ZNF451: variants seen among roughly 807,000 people sequenced by gnomAD.
ZNF451 encodes E3 SUMO-protein ligase ZNF451.
A neutral mutation model predicts 107.1 loss-of-function variants in ZNF451; 80 were observed. The ratio of observed to expected loss-of-function variants is 0.75; its 90% CI spans 0.62 to 0.90. ZNF451 has a LOEUF of 0.90. ZNF451 is among the 40% of genes least tolerant of loss of function. ZNF451 has a pLI of 0.00. For synonymous variants in ZNF451, 362 were observed against 406.5 expected (o/e 0.89, Z 1.32); for missense variants, 1,107 against 1,236.2 (o/e 0.90, Z 1.57).
intron 3 of ZNF451, among the ~76,000 whole-genome samples, chr6:57,110,070 T>C (rs1037510275): frequency 6.6e-6 from 1 of 152,200 alleles, no homozygotes; most frequent in African/African-American, 2.4e-5. Flanking sequence ...AAAGCTTTTC[T>C]TACCAAGTGT....
rs756391609 is a variant in ZNF451 at position 57,147,211 on chromosome 6, A to G, written c.1126A>G (p.Ser376Gly). ...DCNQVFVDET[S>G]TQNHKQNSGH... is the part of the protein sequence containing the mutation. ...CAATCAAGTCTTTGTGGATGAAACC[A>G]GCACCCAAAATCATAAGCAGAATTC... is the stretch of plus-strand genomic sequence containing the variant. The change falls in exon 10 of 15, where the codon AGC (serine) becomes GGC (glycine). Residue 376 changes from serine to glycine, a missense_variant. Physicochemically the swap from Ser to Gly is moderately conservative, Grantham distance 56. This residue lies in a region of ZNF451 where 608 missense variants were observed against 649.2 expected (regional missense o/e 0.94). Coordinates refer to ENST00000370706, the MANE Select transcript of ZNF451 (RefSeq NM_001031623.3). 8 of 1,613,996 alleles carry G rather than the reference A, an allele frequency of 5.0e-6. No individual in the cohort carries two copies.
intron 3 of ZNF451, chr6:57,115,290 A>C (rs1830313641): frequency 6.6e-6 from 1 of 152,176 alleles, no homozygotes; most frequent in African/African-American, 2.4e-5. Flanking sequence ...TAATTGATTG[A>C]TCTATTAGTA....
intron 3 of ZNF451, chr6:57,100,747 T>C: frequency 1.3e-6 from 2 of 1,550,538 alleles, no homozygotes; most frequent in Non-Finnish European, 1.7e-6. Context: ...TTCTCAAACT[T>C]CCTCTGTTGA....
intron 3 of ZNF451, chr6:57,100,685 G>A: frequency 6.5e-7 from 1 of 1,550,326 alleles, no homozygotes; most frequent in Non-Finnish European, 8.7e-7. Context: ...CTTCCCATTG[G>A]AGATAGCAGC....
chr6:57,101,280 T>C lies in ZNF451; in HGVS notation c.186+2139T>C, dbSNP rs1002482051. On this transcript the variant is annotated intron_variant, in intron 3 of 14. Transcript: ENST00000370706. The stretch of plus-strand genomic sequence containing the variant: ...CGGAGTCATGTGAAGGGAAACCTGA[T>C]TGTGTGACTTCTAAAAAACGTTTGG... 3.9e-6 allele frequency: 6 copies of C among 1,550,862 alleles called. No homozygotes were observed. The South Asian group carries it at 7.1e-5, about 18-fold the overall frequency.
Position 57,170,203 on chromosome 6 carries a change from TACTTTG to T in ZNF451, c.*1740_*1745del, listed in dbSNP as rs1481518671. 6.6e-6 allele frequency: 1 copy of T among 152,276 alleles called. No homozygotes were observed. Among genetic ancestry groups the T allele is most frequent in the Non-Finnish European group, 1.5e-5 (1 of 68,050 alleles). 9.4% of individuals were successfully genotyped at this position (152,276 alleles called of 1,614,324 possible). A position where few individuals can be genotyped will look rare whatever the true frequency, so the allele number is the denominator to read the frequency against. On this transcript the variant is annotated 3_prime_UTR_variant, in exon 15 of 15. Coordinates refer to ENST00000370706, the MANE Select transcript of ZNF451 (RefSeq NM_001031623.3). ...TAATTAAAAATCATCTTAAAATTCA[TACTTTG>T]ACTTTAATTTAGACACAAGGAGATG...
intron 3 of ZNF451, chr6:57,107,801 C>T: frequency 2.0e-6 from 2 of 981,900 alleles, no homozygotes; most frequent in Non-Finnish European, 2.4e-6. Context: ...GAGTATATTC[C>T]TTTGGTAACG....
chr6:57,095,788 T>G (rs900239333), intron 2 of ZNF451, among the ~76,000 whole-genome samples: 3 of 151,924 alleles, frequency 2.0e-5, no homozygotes, highest in Non-Finnish European at 2.9e-5. Context: ...ACTCCTTCCC[T>G]TTAAATATTA....
rs1562618082 is a variant in ZNF451, at chr6:57,142,096, G to GT, written c.1004+4dup. The GT allele has an allele frequency of 1.2e-6, 2 of 1,610,328 alleles. No homozygotes were observed. Among genetic ancestry groups the GT allele is most frequent in the Non-Finnish European group, 1.7e-6 (2 of 1,177,082 alleles). ...ACATGGAGCTCACTGCCCATTTCAG[G>GT]TTTGTATTGGTCTGGAGCTGTAAAG... On this transcript the variant is annotated splice_donor_variant, in intron 9 of 14. Transcript: ENST00000370706. LOFTEE classifies it high-confidence loss of function.
intron 4 of ZNF451, among the ~76,000 whole-genome samples, chr6:57,127,350 A>T (rs932685559): frequency 2.6e-5 from 4 of 152,198 alleles, no homozygotes; most frequent in African/African-American, 7.2e-5. Flanking sequence ...AGAGAATTTT[A>T]AAAAATGTAT....
chr6:57,124,920 A>T, intron 4 of ZNF451, 61 bp downstream of exon 4: 1 of 1,187,244 alleles, frequency 8.4e-7, no homozygotes, highest in Non-Finnish European at 1.1e-6. Context: ...TAAAGTTGGT[A>T]AAAAGCCTTT....
chr6:57,152,215 T>C lies in ZNF451; in HGVS notation c.2753-6T>C. ...TTATCATTTTTGCCTTTTCTAAAAT[T>C]AATAGGAGGAAACACCAATTGGAAG... On this transcript the variant is annotated splice_polypyrimidine_tract_variant and splice_region_variant and intron_variant, in intron 11 of 14. Coordinates refer to ENST00000370706, the MANE Select transcript of ZNF451 (RefSeq NM_001031623.3). 1 of 1,599,186 alleles carries C rather than the reference T, an allele frequency of 6.3e-7. No homozygotes were observed. Among genetic ancestry groups the C allele is most frequent in the Non-Finnish European group, 8.5e-7 (1 of 1,174,056 alleles).
intron 10 of ZNF451, among the ~76,000 whole-genome samples, chr6:57,149,445 A>G (rs751499416): frequency 1.4e-4 from 22 of 152,040 alleles, no homozygotes; most frequent in African/African-American, 3.1e-4. Context: ...GGATTTTACT[A>G]TGTTGCCCAG....
chr6:57,154,534 T>A (rs928885038), intron 13 of ZNF451: 1 of 161,180 alleles, frequency 6.2e-6, no homozygotes, highest in East Asian at 1.8e-4. Flanking sequence ...TCCTATCTTA[T>A]TGCTGGGACT....
At chr6:57,155,926 A>G (rs891629973) in intron 13 of ZNF451, among the ~76,000 whole-genome samples, 8 of 149,126 alleles carry the variant, frequency 5.4e-5, no homozygotes, top group African/African-American at 2.0e-4. Context: ...ACATACAGAG[A>G]TTGTGCACTG....
chr6:57,110,180 G>T (rs182106120), intron 3 of ZNF451, among the ~76,000 whole-genome samples: 1 of 152,340 alleles, frequency 6.6e-6, no homozygotes, highest in African/African-American at 2.4e-5. Flanking sequence ...GTGGAACAGT[G>T]TGGGTAACAC....
At chr6:57,137,240 G>A (rs1219186818) in intron 7 of ZNF451, among the ~76,000 whole-genome samples, 3 of 152,148 alleles carry the variant, frequency 2.0e-5, no homozygotes, top group Non-Finnish European at 4.4e-5. Context: ...GATTGTATAA[G>A]CCTCGCTGTT....
chr6:57,107,881 C>T, intron 3 of ZNF451: 2 of 887,124 alleles, frequency 2.3e-6, no homozygotes, highest in Non-Finnish European at 2.7e-6. Context: ...CTCTGTCACC[C>T]AGGCTGGAGT....
intron 14 of ZNF451, chr6:57,165,599 C>T (rs919772254): frequency 7.9e-5 from 12 of 152,130 alleles, no homozygotes; most frequent in Non-Finnish European, 1.6e-4. Context: ...CTTTTCAGTT[C>T]CTGAGTTTCT....
Sources: gnomAD v4.1 joint callset for allele counts (sites outside exome capture counted in the v4.1 genomes callset) on GRCh38, gnomAD v4.1.1 for gene constraint, gnomAD v4.1.1 regional missense constraint, MANE v1.5 for transcripts, NCBI Gene and HGNC (gene_info 2026-07-23, HGNC 2026-07-21) for gene names.